The following CCNI variants were observed in gnomAD, a reference collection of about 807,000 sequenced individuals.
CCNI encodes the protein cyclin I.
In CCNI, 14 loss-of-function variants were observed where a neutral mutation model predicts 34.1. That is an observed-to-expected ratio of 0.41 (90% CI 0.27 to 0.64). The LOEUF is 0.64. Ranked by LOEUF, CCNI falls within the 30% of genes least tolerant of loss-of-function variation. The probability of loss-of-function intolerance (pLI) is 0.31; values close to 1 mark genes in which losing one functional copy is unlikely to be tolerated. For missense variants in CCNI, 385 were observed against 440.5 expected (o/e 0.87, Z 1.13); for synonymous variants, 154 against 158.4 (o/e 0.97, Z 0.21).
intron 1 of CCNI, among the ~76,000 whole-genome samples, chr4:77,073,319 A>G (rs1046654041): frequency 2.6e-5 from 4 of 152,246 alleles, no homozygotes; most frequent in African/African-American, 2.4e-5. Flanking sequence ...ACTGTACAGC[A>G]TAACTATTAC....
intron 1 of CCNI, 25 bp downstream of exon 1, chr4:77,075,447 C>G: frequency 2.6e-6 from 2 of 774,768 alleles, no homozygotes; most frequent in Non-Finnish European, 3.1e-6. Flanking sequence ...CGCGTCGAGC[C>G]CCCGCCCCCG....
At chr4:77,054,881 A>G (rs1728097420) in intron 6 of CCNI, among the ~76,000 whole-genome samples, 1 of 152,236 alleles carries the variant, frequency 6.6e-6, no homozygotes, top group Non-Finnish European at 1.5e-5. Context: ...AAACTAAAGG[A>G]CAATATGGTA....
intron 3 of CCNI, 86 bp from the exon 4 acceptor site, chr4:77,056,409 T>G (rs4252895): frequency 2.0e-5 from 18 of 907,594 alleles, no homozygotes; most frequent in Admixed American, 1.5e-4. Context: ...AACCTAGATA[T>G]GCAGATGAGA....
At chr4:77,056,438 T>C in intron 3 of CCNI, 115 bp from the exon 4 acceptor site, 3 of 699,900 alleles carry the variant, frequency 4.3e-6, no homozygotes, top group Non-Finnish European at 7.7e-6. Flanking sequence ...CACAAAATAC[T>C]ATGGAATTCA....
chr4:77,065,758 TTAAC>T (rs1728988026), intron 2 of CCNI, among the ~76,000 whole-genome samples: 1 of 152,192 alleles, frequency 6.6e-6, no homozygotes, highest in Non-Finnish European at 1.5e-5. Flanking sequence ...ACAAAAACAG[TTAAC>T]TCTTGTTTCA....
At chr4:77,070,669 C>T (rs1560785642) in intron 1 of CCNI, among the ~76,000 whole-genome samples, 1 of 152,106 alleles carries the variant, frequency 6.6e-6, no homozygotes. Flanking sequence ...ATAATTTCTT[C>T]TAATGCAGAC....
At position 77,048,192 on chromosome 4, in the gene CCNI, T is replaced by TACA; in HGVS notation, c.*24_*26dup. 1 of 1,583,530 alleles carries TACA rather than the reference T, an allele frequency of 6.3e-7. No individual in the cohort carries two copies. Among genetic ancestry groups the TACA allele is most frequent in the Non-Finnish European group, 8.6e-7 (1 of 1,159,662 alleles). On this transcript the variant is annotated 3_prime_UTR_variant, in exon 7 of 7. Transcript: ENST00000237654. ...ATTCCCAAAGTAGTCTACCTTAGTT[T>TACA]ACACTCAAAGGTAGCACTTGTTGAA...
At chr4:77,069,024 A>G (rs529414283) in intron 1 of CCNI, among the ~76,000 whole-genome samples, 1 of 152,244 alleles carries the variant, frequency 6.6e-6, no homozygotes, top group Non-Finnish European at 1.5e-5. Context: ...AAGAACTAAT[A>G]TTAATCCAAA....
rs1578237979 is a variant in CCNI, at chr4:77,056,264, A to G, written c.303T>C (p.Thr101=). The part of the protein sequence containing the change: ...AISCFFLAAK[T]VEEDERIPVL... ...GATTTATTACCTCATCTTCCTCAAC[A>G]GTCTTGGCAGCTAGGAAAAAACAGC... The change falls in exon 4 of 7, where the codon ACT becomes ACC. Residue 101 remains threonine, a synonymous_variant. Transcript: ENST00000237654. The G allele has an allele frequency of 2.5e-6, 4 of 1,613,400 alleles. No individual in the cohort carries two copies. The East Asian group carries it at 8.9e-5, about 36-fold the overall frequency.
intron 1 of CCNI, among the ~76,000 whole-genome samples, chr4:77,068,857 C>T (rs926306678): frequency 6.6e-6 from 1 of 152,154 alleles, no homozygotes; most frequent in African/African-American, 2.4e-5. Context: ...ACATATGCTA[C>T]CTATTTGCTT....
At chr4:77,056,540 A>G in intron 3 of CCNI, 1 of 510,658 alleles carries the variant, frequency 2.0e-6, no homozygotes, top group Non-Finnish European at 3.5e-6. Flanking sequence ...AGCAGTAATG[A>G]AAGGAAGGAA....
chr4:77,060,243 T>C (rs568682480), intron 2 of CCNI, among the ~76,000 whole-genome samples: 1 of 152,322 alleles, frequency 6.6e-6, no homozygotes, highest in African/African-American at 2.4e-5. Context: ...ATATGGAGAT[T>C]ATCATATAGT....
At chr4:77,073,729 T>C (rs765560627) in intron 1 of CCNI, among the ~76,000 whole-genome samples, 10 of 152,384 alleles carry the variant, frequency 6.6e-5, no homozygotes, top group Non-Finnish European at 1.3e-4. Flanking sequence ...TTTGTGCAGT[T>C]GTGCCCTGCC....
chr4:77,071,550 G>A (rs1031562165), intron 1 of CCNI, among the ~76,000 whole-genome samples: 5 of 152,170 alleles, frequency 3.3e-5, no homozygotes, highest in African/African-American at 4.8e-5. Flanking sequence ...GCAGTGAAAA[G>A]TCAATGAAAC....
At chr4:77,057,888 C>T (rs1728344978) in intron 3 of CCNI, among the ~76,000 whole-genome samples, 1 of 152,182 alleles carries the variant, frequency 6.6e-6, no homozygotes, top group African/African-American at 2.4e-5. Flanking sequence ...CCTTGTCCAC[C>T]TCTGTACACC....
At chr4:77,056,123 C>G (rs746485299) in intron 4 of CCNI, 21 bp from the exon 5 acceptor site, 1 of 1,609,344 alleles carries the variant, frequency 6.2e-7, no homozygotes, top group South Asian at 1.1e-5. Context: ...CAAAGGGGAA[C>G]AGGGACAGGG....
intron 2 of CCNI, among the ~76,000 whole-genome samples, chr4:77,065,813 G>A (rs1728994178): frequency 6.6e-6 from 1 of 152,134 alleles, no homozygotes; most frequent in African/African-American, 2.4e-5. Context: ...TTTTAAAAAA[G>A]AAGAGGCCGG....
chr4:77,062,433 G>A (rs376349295), intron 2 of CCNI, among the ~76,000 whole-genome samples: 15 of 152,200 alleles, frequency 9.9e-5, no homozygotes, highest in African/African-American at 3.6e-4. Context: ...GGTGGTGCGT[G>A]CCTGTTACCT....
rs4252821 is a variant in CCNI, at chr4:77,066,695, T to C, written c.-43-290A>G. On this transcript the variant is annotated intron_variant, in intron 1 of 6. Transcript: ENST00000237654. ...ACTGTTTCAAATTGTCAAAACTTTG[T>C]CACTGGCTTTTTTACCAGGAATTCT... 7.0e-3 allele frequency among the ~76,000 whole-genome samples: 1,063 copies of C among 152,310 alleles called. 24 individuals carry two copies. In the East Asian group the frequency reaches 0.074, roughly 11 times the overall value.
Sources: gnomAD v4.1 joint callset for allele counts (sites outside exome capture counted in the v4.1 genomes callset) on GRCh38, gnomAD v4.1.1 for gene constraint, MANE v1.5 for transcripts, NCBI Gene and HGNC (gene_info 2026-07-23, HGNC 2026-07-21) for gene names.